Variants in OR8U3 observed in about 807,000 individuals in gnomAD.
The protein encoded by OR8U3 is olfactory receptor 8U3.
For missense variants in OR8U3, 429 were observed against 388.6 expected, an observed-to-expected ratio of 1.10 and a Z score of -0.88; for synonymous variants, 170 against 147.0, an observed-to-expected ratio of 1.16 and a Z score of -1.13.
Position 56,417,487 on chromosome 11 carries a change from G to C in OR8U3, c.746C>G (p.Thr249Ser). ...AAAGATCAGTGTGCCATAGAAAATA[G>C]TGACAGTCACCATATGGGAGCCACA... ...STCGSHMVTVTIFYGTLIFMY... is the reference protein window; with the variant it reads ...STCGSHMVTVSIFYGTLIFMY... The change falls in exon 1 of 1, where the codon ACT (threonine) becomes AGT (serine). Residue 249 changes from threonine (T) to serine (S), a missense_variant. Transcript: ENST00000623286. 6.2e-7 allele frequency: 1 copy of C among 1,614,000 alleles called. No individual in the cohort carries two copies. The highest frequency in any genetic ancestry group is 1.1e-5 in the South Asian group (1 of 91,074).
Position 56,417,955 on chromosome 11 carries a change from G to A in OR8U3, c.278C>T (p.Pro93Leu), listed in dbSNP as rs1325874974. Residue 93 changes from proline to leucine, a missense_variant, in exon 1 of 1, where the codon CCT (proline) becomes CTT (leucine). Physicochemically the swap from Pro to Leu is moderately conservative, Grantham distance 98. Coordinates refer to ENST00000623286, the MANE Select transcript of OR8U3 (RefSeq NM_001004744.1). ...VNFVVERNTI[P>L]FHACATQLGC... ...CAGTTGGGTTGCACAAGCATGGAAA[G>A]GAATGGTGTTGCGTTCCACAACAAA... 3 of 1,613,842 alleles carry A rather than the reference G, an allele frequency of 1.9e-6. No individual in the cohort carries two copies. The highest frequency in any genetic ancestry group is 2.2e-5 in the South Asian group (2 of 91,080).
chr11:56,417,757 T>A lies in OR8U3; in HGVS notation c.476A>T (p.His159Leu), dbSNP rs1416676457. ...YIYSFLVALF[H>L]TVITFRLTYC... Reference sequence around the variant, plus strand: ...AGTCAGACGGAAAGTGATAACGGTGTGGAAGAGGGCAACCAGGAAGCTGTA... The same window carrying A: ...AGTCAGACGGAAAGTGATAACGGTGAGGAAGAGGGCAACCAGGAAGCTGTA... The change falls in exon 1 of 1, where the codon CAC (histidine) becomes CTC (leucine). Residue 159 changes from histidine (H) to leucine (L), a missense_variant. Physicochemically the swap from His to Leu is moderately conservative, Grantham distance 99. Coordinates refer to ENST00000623286, the MANE Select transcript of OR8U3 (RefSeq NM_001004744.1). 1.9e-6 allele frequency: 3 copies of A among 1,614,002 alleles called. No individual in the cohort carries two copies. Among genetic ancestry groups the A allele is most frequent in the Admixed American group, 1.7e-5 (1 of 60,000 alleles).
At position 56,417,593 on chromosome 11, in the gene OR8U3, C is replaced by T. The variant is rs780756586; in HGVS notation, c.640G>A (p.Val214Ile). The change falls in exon 1 of 1, where the codon GTC becomes ATC. Residue 214 changes from valine (V) to isoleucine (I), a missense_variant. Physicochemically the swap from Val to Ile is conservative, Grantham distance 29 (BLOSUM62 3). Transcript: ENST00000623286. ...GFDMISSSSI[V>I]LTSYIFIIAA... ...ATAATAAAGATGTAGGAGGTGAGGA[C>T]AATGGAAGAGGAAGAGATCATATCA... 3.7e-6 allele frequency: 6 copies of T among 1,613,728 alleles called. No homozygotes were observed. The highest frequency in any genetic ancestry group is 5.1e-6 in the Non-Finnish European group (6 of 1,179,856).
At position 56,418,174 on chromosome 11, in the gene OR8U3, CG is replaced by C; in HGVS notation, c.58del (p.Arg20GlyfsTer13). 1 of 1,612,382 alleles carries C rather than the reference CG, an allele frequency of 6.2e-7. No individual in the cohort carries two copies. The highest frequency in any genetic ancestry group is 8.5e-7 in the Non-Finnish European group (1 of 1,179,178). ...AAAGCACGGGGCCTGAAGCTCTGGC[CG>C]GTTGGTAATTCCTTTCAGAATGAAT... ...TVFILKGITN[R>X]PELQAPCFGV... is the part of the protein sequence containing the mutation. On this transcript the variant is annotated frameshift_variant, in exon 1 of 1. Coordinates refer to ENST00000623286, the MANE Select transcript of OR8U3 (RefSeq NM_001004744.1). LOFTEE classifies it low-confidence loss of function (END_TRUNC).
Position 56,418,057 on chromosome 11 carries a change from A to C in OR8U3, c.176T>G (p.Met59Arg), listed in dbSNP as rs191539368. 6.2e-7 allele frequency: 1 copy of C among 1,613,746 alleles called. No homozygotes were observed. Among genetic ancestry groups the C allele is most frequent in the African/African-American group, 1.3e-5 (1 of 74,910 alleles). The change falls in exon 1 of 1, where the codon ATG (methionine) becomes AGG (arginine). Residue 59 changes from methionine (M) to arginine (R), a missense_variant. Coordinates refer to ENST00000623286, the MANE Select transcript of OR8U3 (RefSeq NM_001004744.1). The stretch of plus-strand genomic sequence containing the variant: ...GGCCAGGTGGCTGAGGAAATAGTAC[A>C]TAGGTGTGTGGAGTCGAGTATCAAT... Reference protein sequence around the residue: ...IKIDTRLHTPMYYFLSHLAFV... With the variant: ...IKIDTRLHTPRYYFLSHLAFV...
rs1187689381 is a variant in OR8U3 at position 56,418,067 on chromosome 11, G to A, written c.166C>T (p.His56Tyr). Reference sequence around the variant, plus strand: ...CTGAGGAAATAGTACATAGGTGTGTGGAGTCGAGTATCAATCTTGATTAAA... The same window carrying A: ...CTGAGGAAATAGTACATAGGTGTGTAGAGTCGAGTATCAATCTTGATTAAA... ...ITLIKIDTRL[H>Y]TPMYYFLSHL... Residue 56 changes from histidine to tyrosine, a missense_variant, in exon 1 of 1, where the codon CAC becomes TAC. Physicochemically the swap from His to Tyr is moderately conservative, Grantham distance 83. Coordinates refer to ENST00000623286, the MANE Select transcript of OR8U3 (RefSeq NM_001004744.1). 4 of 1,613,672 alleles carry A rather than the reference G, an allele frequency of 2.5e-6. No individual in the cohort carries two copies. The highest frequency in any genetic ancestry group is 3.3e-5 in the Admixed American group (2 of 59,922).
rs376853720 is a variant in OR8U3, at chr11:56,417,469, A to G, written c.764T>C (p.Leu255Pro). The G allele has an allele frequency of 3.3e-5, 53 of 1,613,798 alleles. No individual in the cohort carries two copies. The highest frequency in any genetic ancestry group is 8.3e-5 in the Admixed American group (5 of 59,980). Residue 255 changes from leucine to proline, a missense_variant, in exon 1 of 1, where the codon CTG becomes CCG. By Grantham distance (98) the Leu-to-Pro change is moderately conservative. Coordinates refer to ENST00000623286, the MANE Select transcript of OR8U3 (RefSeq NM_001004744.1). ...TTTGGGCTGTAGGTACATAAAGATC[A>G]GTGTGCCATAGAAAATAGTGACAGT... is the stretch of plus-strand genomic sequence containing the variant. Reference protein sequence around the residue: ...MVTVTIFYGTLIFMYLQPKSN... With the variant: ...MVTVTIFYGTPIFMYLQPKSN...
In OR8U3 at chr11:56,417,812, A is replaced by G; in HGVS notation, c.421T>C (p.Cys141Arg). The G allele has an allele frequency of 6.2e-7, 1 of 1,613,956 alleles. No individual in the cohort carries two copies. Among genetic ancestry groups the G allele is most frequent in the South Asian group, 1.1e-5 (1 of 91,078 alleles). The part of the protein sequence containing the change: ...HYSTLMSRRV[C>R]IQLVAVPYIY... ...TATGGAACTGCCACCAGTTGAATGC[A>G]GACTCTTCTTGACATCAGTGTTGAA... The change falls in exon 1 of 1, where the codon TGC (cysteine) becomes CGC (arginine). Residue 141 changes from cysteine to arginine, a missense_variant. By Grantham distance (180) the Cys-to-Arg change is radical. Coordinates refer to ENST00000623286, the MANE Select transcript of OR8U3 (RefSeq NM_001004744.1).
Position 56,417,690 on chromosome 11 carries a change from G to A in OR8U3, c.543C>T (p.Asp181=), listed in dbSNP as rs188839814. 1 of 1,612,974 alleles carries A rather than the reference G, an allele frequency of 6.2e-7. No homozygotes were observed. The highest frequency in any genetic ancestry group is 2.2e-5 in the East Asian group (1 of 44,870). Residue 181 remains aspartate, a synonymous_variant, in exon 1 of 1, where the codon GAC becomes GAT. Coordinates refer to ENST00000623286, the MANE Select transcript of OR8U3 (RefSeq NM_001004744.1). ...AGCAGGACAGAGCTAAGAAGGGGAG[G>A]TCATCACAATAGAAATGGTTAATTA... is the stretch of plus-strand genomic sequence containing the variant. ...PNLINHFYCD[D]LPFLALSCSD... is the part of the protein sequence containing the mutation.
rs1168862276 is a variant in OR8U3, at chr11:56,418,003, A to C, written c.230T>G (p.Ile77Ser). The C allele has an allele frequency of 6.2e-7, 1 of 1,613,882 alleles. No homozygotes were observed. Among genetic ancestry groups the C allele is most frequent in the South Asian group, 1.1e-5 (1 of 91,080 alleles). The change falls in exon 1 of 1, where the codon ATT becomes AGT. Residue 77 changes from isoleucine to serine, a missense_variant. Ile to Ser is a moderately radical substitution (Grantham distance 142). Transcript: ENST00000623286. ...AAAATTCACCATCATCTTCGGTGTAATAGCAGAGGAGTAACAAAGGTCAAC... is the reference window on the plus strand; with the variant it reads ...AAAATTCACCATCATCTTCGGTGTACTAGCAGAGGAGTAACAAAGGTCAAC... Reference protein sequence around the residue: ...AFVDLCYSSAITPKMMVNFVV... With the variant: ...AFVDLCYSSASTPKMMVNFVV...
At position 56,417,697 on chromosome 11, in the gene OR8U3, C is replaced by T. The variant is rs1468360291; in HGVS notation, c.536G>A (p.Cys179Tyr). Residue 179 changes from cysteine to tyrosine, a missense_variant, in exon 1 of 1, where the codon TGT becomes TAT. Coordinates refer to ENST00000623286, the MANE Select transcript of OR8U3 (RefSeq NM_001004744.1). ...CGPNLINHFY[C>Y]DDLPFLALSC... ...CAGAGCTAAGAAGGGGAGGTCATCACAATAGAAATGGTTAATTAAGTTTGG... is the reference window on the plus strand; with the variant it reads ...CAGAGCTAAGAAGGGGAGGTCATCATAATAGAAATGGTTAATTAAGTTTGG... 1 of 1,613,772 alleles carries T rather than the reference C, an allele frequency of 6.2e-7. No individual in the cohort carries two copies. The highest frequency in any genetic ancestry group is 8.5e-7 in the Non-Finnish European group (1 of 1,179,888).
Position 56,417,339 on chromosome 11 carries a change from T to G in OR8U3, c.894A>C (p.Lys298Asn). The stretch of plus-strand genomic sequence containing the variant: ...TATCCAAGGCTTTCTTTGAGGCATC[T>G]TTCACTTCTTTGTTCCTTAGACTAT... ...LIYSLRNKEV[K>N]DASKKALDKG... The change falls in exon 1 of 1, where the codon AAA (lysine) becomes AAC (asparagine). Residue 298 changes from lysine (K) to asparagine (N), a missense_variant. Physicochemically the swap from Lys to Asn is moderately conservative, Grantham distance 94 (BLOSUM62 0). Transcript: ENST00000623286. 6.2e-7 allele frequency: 1 copy of G among 1,605,802 alleles called. No homozygotes were observed. The highest frequency in any genetic ancestry group is 1.3e-5 in the African/African-American group (1 of 74,796).
chr11:56,417,547 C>G lies in OR8U3; in HGVS notation c.686G>C (p.Arg229Pro), dbSNP rs149197985. 2.1e-5 allele frequency: 34 copies of G among 1,613,546 alleles called. No individual in the cohort carries two copies. Among genetic ancestry groups the G allele is most frequent in the Non-Finnish European group, 1.2e-5 (14 of 1,179,786 alleles). ...GGCTTTGTGTTGCCCCTGAGTAGAG[C>G]GGATCCTTAGGATAGCGGCAATAAT... Reference protein sequence around the residue: ...IFIIAAILRIRSTQGQHKAIS... With the variant: ...IFIIAAILRIPSTQGQHKAIS... The change falls in exon 1 of 1, where the codon CGC (arginine) becomes CCC (proline). Residue 229 changes from arginine (R) to proline (P), a missense_variant. By Grantham distance (103) the Arg-to-Pro change is moderately radical. Transcript: ENST00000623286.
chr11:56,417,722 G>C lies in OR8U3; in HGVS notation c.511C>G (p.Pro171Ala). The change falls in exon 1 of 1, where the codon CCA (proline) becomes GCA (alanine). Residue 171 changes from proline (P) to alanine (A), a missense_variant. Coordinates refer to ENST00000623286, the MANE Select transcript of OR8U3 (RefSeq NM_001004744.1). ...CAATAGAAATGGTTAATTAAGTTTG[G>C]GCCACAGTAAGTCAGACGGAAAGTG... ...VITFRLTYCG[P>A]NLINHFYCDD... 8.1e-6 allele frequency: 13 copies of C among 1,613,972 alleles called. No individual in the cohort carries two copies. The highest frequency in any genetic ancestry group is 1.1e-5 in the Non-Finnish European group (13 of 1,179,944).
rs756180609 is a variant in OR8U3 at position 56,417,392 on chromosome 11, C to T, written c.841G>A (p.Val281Met). ...DKMASVFYTVVIPMLNPLIYS... is the reference protein window; with the variant it reads ...DKMASVFYTVMIPMLNPLIYS... The stretch of plus-strand genomic sequence containing the variant: ...ATTAGGGGGTTTAACATGGGGATCA[C>T]CACTGTGTAAAATACAGAAGCCATC... Residue 281 changes from valine (V) to methionine (M), a missense_variant, in exon 1 of 1, where the codon GTG becomes ATG. Physicochemically the swap from Val to Met is conservative, Grantham distance 21 (BLOSUM62 1). Coordinates refer to ENST00000623286, the MANE Select transcript of OR8U3 (RefSeq NM_001004744.1). The T allele has an allele frequency of 6.2e-7, 1 of 1,613,344 alleles. No homozygotes were observed.
At position 56,417,543 on chromosome 11, in the gene OR8U3, AGAGCG is replaced by A. The variant is rs747116555; in HGVS notation, c.685_689del (p.Arg229TyrfsTer61). The A allele has an allele frequency of 1.7e-5, 28 of 1,613,892 alleles. No homozygotes were observed. The highest frequency in any genetic ancestry group is 2.3e-5 in the Non-Finnish European group (27 of 1,179,906). ...AAATGGCTTTGTGTTGCCCCTGAGT[AGAGCG>A]GATCCTTAGGATAGCGGCAATAATA... On this transcript the variant is annotated frameshift_variant, in exon 1 of 1. Transcript: ENST00000623286. LOFTEE classifies it low-confidence loss of function (END_TRUNC).
At position 56,418,080 on chromosome 11, in the gene OR8U3, A is replaced by G; in HGVS notation, c.153T>C (p.Ile51=). ...GNLGLITLIK[I]DTRLHTPMYY... Reference sequence around the variant, plus strand: ...ACATAGGTGTGTGGAGTCGAGTATCAATCTTGATTAAAGTAATCAACCCAA... The same window carrying G: ...ACATAGGTGTGTGGAGTCGAGTATCGATCTTGATTAAAGTAATCAACCCAA... The change falls in exon 1 of 1, where the codon ATT becomes ATC. Residue 51 remains isoleucine (I), a synonymous_variant. Coordinates refer to ENST00000623286, the MANE Select transcript of OR8U3 (RefSeq NM_001004744.1). The G allele has an allele frequency of 6.2e-7, 1 of 1,613,906 alleles. No individual in the cohort carries two copies. The highest frequency in any genetic ancestry group is 8.5e-7 in the Non-Finnish European group (1 of 1,179,882).
chr11:56,417,764 G>C lies in OR8U3; in HGVS notation c.469C>G (p.Leu157Val), dbSNP rs763270212. ...CGGAAAGTGATAACGGTGTGGAAGAGGGCAACCAGGAAGCTGTATATATAT... is the reference window on the plus strand; with the variant it reads ...CGGAAAGTGATAACGGTGTGGAAGACGGCAACCAGGAAGCTGTATATATAT... ...VPYIYSFLVA[L>V]FHTVITFRLT... The change falls in exon 1 of 1, where the codon CTC (leucine) becomes GTC (valine). Residue 157 changes from leucine to valine, a missense_variant. By Grantham distance (32) the Leu-to-Val change is conservative (BLOSUM62 1). Transcript: ENST00000623286. 2.5e-6 allele frequency: 4 copies of C among 1,613,910 alleles called. No homozygotes were observed. The highest frequency in any genetic ancestry group is 1.3e-5 in the African/African-American group (1 of 74,902).
rs913740989 is a variant in OR8U3, at chr11:56,417,779, T to C, written c.454A>G (p.Ser152Gly). ...GTGTGGAAGAGGGCAACCAGGAAGCTGTATATATATGGAACTGCCACCAGT... is the reference window on the plus strand; with the variant it reads ...GTGTGGAAGAGGGCAACCAGGAAGCCGTATATATATGGAACTGCCACCAGT... ...IQLVAVPYIY[S>G]FLVALFHTVI... Residue 152 changes from serine to glycine, a missense_variant, in exon 1 of 1, where the codon AGC becomes GGC. By Grantham distance (56) the Ser-to-Gly change is moderately conservative (BLOSUM62 0). Coordinates refer to ENST00000623286, the MANE Select transcript of OR8U3 (RefSeq NM_001004744.1). The C allele has an allele frequency of 6.2e-7, 1 of 1,613,930 alleles. No individual in the cohort carries two copies. Among genetic ancestry groups the C allele is most frequent in the African/African-American group, 1.3e-5 (1 of 75,018 alleles).
Sources: gnomAD v4.1 joint callset for allele counts on GRCh38, gnomAD v4.1.1 for gene constraint, MANE v1.5 for transcripts, NCBI Gene and HGNC (gene_info 2026-07-23, HGNC 2026-07-21) for gene names.